Variants in RAB10 observed in about 807,000 individuals in gnomAD.
The protein encoded by RAB10 is ras-related protein Rab-10.
A neutral mutation model predicts 25.7 loss-of-function variants in RAB10; 5 were observed. The ratio of observed to expected loss-of-function variants is 0.19; its 90% CI spans 0.10 to 0.41. The LOEUF (loss-of-function observed/expected upper bound fraction) is 0.41. Among genes scored for constraint, RAB10 ranks in the 10% least tolerant of loss-of-function variants. The probability of loss-of-function intolerance (pLI) is 1.00; values close to 1 mark genes in which losing one functional copy is unlikely to be tolerated. For synonymous variants in RAB10, 89 were observed against 86.4 expected (o/e 1.03, Z -0.16); for missense variants, 103 against 245.8 (o/e 0.42, Z 3.89).
intron 3 of RAB10, among the ~76,000 whole-genome samples, chr2:26,117,343 G>A (rs769374656): frequency 1.3e-5 from 2 of 152,084 alleles, no homozygotes; most frequent in Admixed American, 6.5e-5. Flanking sequence ...CCGGGTGCGG[G>A]GGGCTCATGC....
chr2:26,121,066 C>G (rs1048411545), intron 3 of RAB10, among the ~76,000 whole-genome samples: 47 of 152,100 alleles, frequency 3.1e-4, no homozygotes, highest in African/African-American at 1.1e-3. Context: ...CGTGCATCGC[C>G]ACACCCGGCT....
chr2:26,079,797 C>G (rs1293910087), intron 1 of RAB10, among the ~76,000 whole-genome samples: 1 of 152,076 alleles, frequency 6.6e-6, no homozygotes, highest in African/African-American at 2.4e-5. Flanking sequence ...TCCCTAGTAG[C>G]TGGGACTACA....
chr2:26,050,136 A>T (rs920330469), intron 1 of RAB10, among the ~76,000 whole-genome samples: 3 of 152,174 alleles, frequency 2.0e-5, no homozygotes, highest in Non-Finnish European at 2.9e-5. Context: ...TGAGCATATC[A>T]TCCTATCGTA....
At chr2:26,055,223 C>T (rs1348543164) in intron 1 of RAB10, among the ~76,000 whole-genome samples, 1 of 152,098 alleles carries the variant, frequency 6.6e-6, no homozygotes, top group African/African-American at 2.4e-5. Flanking sequence ...CACTAAAATC[C>T]AACTACTTTC....
In RAB10 at chr2:26,117,637, A is replaced by AAAAAAAAC. The variant is rs1553729864; in HGVS notation, c.327+7736_327+7743dup. On this transcript the variant is annotated intron_variant, in intron 3 of 5. Coordinates refer to ENST00000264710, the MANE Select transcript of RAB10 (RefSeq NM_016131.5). ...TCCGTCTCAAAAAAAAAAAAAAAAC[A>AAAAAAAAC]AAAAAAACAAAAGAGTTAGGAAGTA... is the stretch of plus-strand genomic sequence containing the variant. Among the ~76,000 whole-genome samples, 167 of 138,060 alleles carry AAAAAAAAC rather than the reference A, an allele frequency of 1.2e-3. 7 individuals are homozygous for AAAAAAAAC. The highest frequency in any genetic ancestry group is 1.3e-3 in the Non-Finnish European group (84 of 64,316). The allele number at this position is 138,060 out of a possible 152,430, so 90.6% of individuals were successfully genotyped here.
rs1668095861 is a variant in RAB10 at position 26,135,640 on chromosome 2, G to A, written c.*619G>A. On this transcript the variant is annotated 3_prime_UTR_variant, in exon 6 of 6. Transcript: ENST00000264710. ...CCATTAAAATGTTTGTGGTTTGCTT[G>A]GCTGTAATTTTCAAAGTAGTTAATT... 1 of 152,594 alleles carries A rather than the reference G, an allele frequency of 6.6e-6. No homozygotes were observed. Among genetic ancestry groups the A allele is most frequent in the African/African-American group, 2.4e-5 (1 of 41,432 alleles). The allele number at this position is 152,594 out of a possible 1,614,324, so 9.5% of individuals were successfully genotyped here. A position where few individuals can be genotyped will look rare whatever the true frequency, so the allele number is the denominator to read the frequency against.
chr2:26,084,731 C>T (rs568844638), intron 1 of RAB10, among the ~76,000 whole-genome samples: 34 of 96,498 alleles, frequency 3.5e-4, no homozygotes, highest in African/African-American at 1.4e-3. Flanking sequence ...TCGTTATATC[C>T]CTTTTCATCG....
At chr2:26,089,115 A>G (rs1443568101) in intron 1 of RAB10, among the ~76,000 whole-genome samples, 1 of 151,996 alleles carries the variant, frequency 6.6e-6, no homozygotes, top group Non-Finnish European at 1.5e-5. Flanking sequence ...GCTCAGAAAT[A>G]TATTTATTCA....
At chr2:26,071,164 T>C (rs1666618169) in intron 1 of RAB10, among the ~76,000 whole-genome samples, 1 of 152,198 alleles carries the variant, frequency 6.6e-6, no homozygotes, top group Non-Finnish European at 1.5e-5. Flanking sequence ...TATGATGAAA[T>C]GGGAGGTAAA....
At position 26,044,476 on chromosome 2, in the gene RAB10, T is replaced by C. The variant is rs2149262025; in HGVS notation, c.127+9741T>C. Among the ~76,000 whole-genome samples, 3 of 152,190 alleles carry C rather than the reference T, an allele frequency of 2.0e-5. No homozygotes were observed. The Middle Eastern group carries it at 0.01, about 518-fold the overall frequency. ...CAGGAATGAACCCTTAAATGAATTT[T>C]CAAAGTGGGAAAACTGAGACTGGTG... On this transcript the variant is annotated intron_variant, in intron 1 of 5. Coordinates refer to ENST00000264710, the MANE Select transcript of RAB10 (RefSeq NM_016131.5).
At chr2:26,049,276 T>G (rs181864948) in intron 1 of RAB10, among the ~76,000 whole-genome samples, 1 of 151,954 alleles carries the variant, frequency 6.6e-6, no homozygotes, top group Admixed American at 6.6e-5. Context: ...TCTCCTAATT[T>G]CATATAGTTA....
intron 2 of RAB10, among the ~76,000 whole-genome samples, chr2:26,103,074 AAAC>A (rs968546728): frequency 2.0e-4 from 30 of 152,212 alleles, no homozygotes; most frequent in Admixed American, 1.4e-3. Flanking sequence ...TTATAAGTGA[AAAC>A]AACAACAACA....
rs750860761 is a variant in RAB10, at chr2:26,127,197, C to T, written c.381C>T (p.Asp127=). Residue 127 remains aspartate, a synonymous_variant, in exon 4 of 6, where the codon GAC becomes GAT. Transcript: ENST00000264710. ...TACTAGGAAACAAGTGTGATATGGA[C>T]GACAAAAGAGTTGTACCTAAAGGAA... The part of the protein sequence containing the change: ...RMLLGNKCDM[D]DKRVVPKGKG... 3.6e-5 allele frequency: 57 copies of T among 1,602,118 alleles called. No homozygotes were observed. The highest frequency in any genetic ancestry group is 4.6e-5 in the Non-Finnish European group (54 of 1,176,516).
intron 2 of RAB10, 27 bp from the exon 3 acceptor site, chr2:26,109,741 A>G (rs1667534400): frequency 6.5e-7 from 1 of 1,528,318 alleles, no homozygotes; most frequent in Non-Finnish European, 8.7e-7. Context: ...AAAATGCTTA[A>G]TAGAAATTAT....
chr2:26,089,847 G>A (rs998562478), intron 1 of RAB10, among the ~76,000 whole-genome samples: 1 of 152,092 alleles, frequency 6.6e-6, no homozygotes, highest in Non-Finnish European at 1.5e-5. Context: ...GCTAAGCCAA[G>A]TAGTGTACTA....
intron 1 of RAB10, among the ~76,000 whole-genome samples, chr2:26,041,543 C>CAA (rs1230627488): frequency 0.028 from 1,249 of 44,108 alleles, 79 homozygotes; most frequent in African/African-American, 0.09. Context: ...GACGCTGACT[C>CAA]AAAAAAAAAA....
intron 3 of RAB10, among the ~76,000 whole-genome samples, chr2:26,114,918 C>A (rs182239860): frequency 5.1e-4 from 77 of 151,364 alleles, no homozygotes; most frequent in Non-Finnish European, 7.7e-4. Context: ...AGAAAAAAAA[C>A]CAAAAAGGAT....
At chr2:26,055,627 G>A (rs1202176550) in intron 1 of RAB10, among the ~76,000 whole-genome samples, 1 of 152,018 alleles carries the variant, frequency 6.6e-6, no homozygotes, top group East Asian at 1.9e-4. Context: ...GACCTCAGGT[G>A]GTCTGCCTGC....
At chr2:26,064,525 G>A (rs1057387611) in intron 1 of RAB10, among the ~76,000 whole-genome samples, 3 of 151,332 alleles carry the variant, frequency 2.0e-5, no homozygotes, top group Admixed American at 6.6e-5. Flanking sequence ...TTCATTTTTT[G>A]TAGAGATGGG....
Sources: allele counts gnomAD v4.1 joint callset (sites outside exome capture counted in the v4.1 genomes callset), GRCh38; gene constraint gnomAD v4.1.1; transcripts MANE v1.5; gene names NCBI Gene and HGNC (gene_info 2026-07-23, HGNC 2026-07-21).